ACY3: variants seen among roughly 807,000 people sequenced by gnomAD.
The protein encoded by ACY3 is aminoacylase 3.
A neutral mutation model predicts 24.6 loss-of-function variants in ACY3; 20 were observed. The ratio of observed to expected loss-of-function variants is 0.81; its 90% confidence interval spans 0.57 to 1.18. The LOEUF (loss-of-function observed/expected upper bound fraction) is 1.18. Ranked by LOEUF, ACY3 falls within the 50% of genes most tolerant of loss-of-function variation. The probability of loss-of-function intolerance (pLI) is 0.00; values close to 1 mark genes in which losing one functional copy is unlikely to be tolerated. For missense variants in ACY3, 423 were observed against 426.8 expected (o/e 0.99, Z 0.08); for synonymous variants, 174 against 188.4 (o/e 0.92, Z 0.62).
At position 67,643,451 on chromosome 11, in the gene ACY3, G is replaced by A. The variant is rs558298600; in HGVS notation, c.745-512C>T. On this transcript the variant is annotated intron_variant, in intron 7 of 7. Transcript: ENST00000255082. ...TCCCAGCACTTTGGGAGGCCAAGGC[G>A]GGTGGATCATGAGGTCAGGAGTTCA... Among the ~76,000 whole-genome samples the A allele has an allele frequency of 1.4e-4, 21 of 152,246 alleles. No individual in the cohort carries two copies. The East Asian group carries it at 2.7e-3, about 20-fold the overall frequency.
chr11:67,648,799 G>C (rs1591133491), intron 1 of ACY3, among the ~76,000 whole-genome samples: 1 of 152,198 alleles, frequency 6.6e-6, no homozygotes, highest in South Asian at 2.1e-4. Flanking sequence ...TCAGAGCATG[G>C]CGATTGTGGG....
Position 67,645,830 on chromosome 11 carries a change from C to G in ACY3, c.294G>C (p.Gln98His), listed in dbSNP as rs146788126. 1.9e-6 allele frequency: 3 copies of G among 1,613,492 alleles called. No homozygotes were observed. The African/African-American group carries it at 4.0e-5, about 22-fold the overall frequency. ...YEVTRARELN[Q>H]LLGPKASGQA... ...GGCCCGAGGCCTTGGGCCCCAGCAG[C>G]TGGTTCAGCTCTCGGGCTCTTGTCA... The change falls in exon 4 of 8, where the codon CAG becomes CAC. Residue 98 changes from glutamine (Q) to histidine (H), a missense_variant. Transcript: ENST00000255082.
Position 67,645,852 on chromosome 11 carries a change from G to T in ACY3, c.272C>A (p.Thr91Lys), listed in dbSNP as rs749879011. Residue 91 changes from threonine (T) to lysine (K), a missense_variant, in exon 4 of 8, where the codon ACA becomes AAA. Thr to Lys is a moderately conservative substitution (Grantham distance 78). Transcript: ENST00000255082. ...CAGCTGGTTCAGCTCTCGGGCTCTTGTCACCTCATATGGGTCGTCCGGGGT... is the reference window on the plus strand; with the variant it reads ...CAGCTGGTTCAGCTCTCGGGCTCTTTTCACCTCATATGGGTCGTCCGGGGT... The part of the protein sequence containing the change: ...RPTPDDPYEV[T>K]RARELNQLLG... The T allele has an allele frequency of 1.4e-5, 22 of 1,612,676 alleles. No homozygotes were observed. In the African/African-American group the frequency reaches 2.8e-4, roughly 21 times the overall value.
chr11:67,650,019 C>G lies in ACY3; in HGVS notation c.-95+564G>C, dbSNP rs185079275. 8.1e-4 allele frequency among the ~76,000 whole-genome samples: 123 copies of G among 152,338 alleles called. 1 individual carries two copies. Among genetic ancestry groups the G allele is most frequent in the Non-Finnish European group, 2.1e-4 (14 of 68,032 alleles). On this transcript the variant is annotated intron_variant, in intron 1 of 7. Transcript: ENST00000255082. ...GTGTGACCTGGAGAGATTCAGTGCC[C>G]TCTCTGGGCCTTGGCTCCACCCTGT...
chr11:67,649,681 T>G (rs567962486), intron 1 of ACY3, among the ~76,000 whole-genome samples: 2 of 145,654 alleles, frequency 1.4e-5, no homozygotes, highest in South Asian at 2.2e-4. Flanking sequence ...TGCATGAGTA[T>G]TGTGTGCATG....
Position 67,645,284 on chromosome 11 carries a change from C to T in ACY3, c.526+3G>A. The T allele has an allele frequency of 1.9e-6, 3 of 1,613,578 alleles. No homozygotes were observed. The highest frequency in any genetic ancestry group is 2.5e-6 in the Non-Finnish European group (3 of 1,179,972). On this transcript the variant is annotated splice_donor_region_variant and intron_variant, in intron 5 of 7. Transcript: ENST00000255082. Reference sequence around the variant, plus strand: ...GCCCACTTCTCAGAAGGCTGCGGCCCACCCAGTCCATTTTTGGCCACAGAG... The same window carrying T: ...GCCCACTTCTCAGAAGGCTGCGGCCTACCCAGTCCATTTTTGGCCACAGAG...
At chr11:67,649,854 A>G (rs2361142) in intron 1 of ACY3, among the ~76,000 whole-genome samples, 8,762 of 142,768 alleles carry the variant, frequency 0.061, 849 homozygotes, top group African/African-American at 0.22. Flanking sequence ...GCGTGTGTGC[A>G]TGAGAGTGTG....
rs1855501459 is a variant in ACY3 at position 67,645,679 on chromosome 11, G to T, written c.432+13C>A. ...TCCCCTCTGGGGAGCTGTGTGCTTGGGGCCGGGGCCACCTGCAGATGGCGG... is the reference window on the plus strand; with the variant it reads ...TCCCCTCTGGGGAGCTGTGTGCTTGTGGCCGGGGCCACCTGCAGATGGCGG... On this transcript the variant is annotated intron_variant, in intron 4 of 7. Transcript: ENST00000255082. 1 of 1,587,284 alleles carries T rather than the reference G, an allele frequency of 6.3e-7. No homozygotes were observed. Among genetic ancestry groups the T allele is most frequent in the Non-Finnish European group, 8.6e-7 (1 of 1,166,554 alleles).
In ACY3 at chr11:67,642,707, G is replaced by A. The variant is rs569162389; in HGVS notation, c.*17C>T. 1.6e-5 allele frequency: 26 copies of A among 1,613,322 alleles called. No homozygotes were observed. The highest frequency in any genetic ancestry group is 2.2e-5 in the Non-Finnish European group (26 of 1,179,442). The stretch of plus-strand genomic sequence containing the variant: ...CGTTCAGATGGGAAGACTGAGGTTG[G>A]GGAGGTGTGTCTTGGGTTAGGAAGC... On this transcript the variant is annotated 3_prime_UTR_variant, in exon 8 of 8. Coordinates refer to ENST00000255082, the MANE Select transcript of ACY3 (RefSeq NM_080658.2).
rs1773675116 is a variant in ACY3 at position 67,647,079 on chromosome 11, C to G, written c.-20-16G>C. 6.9e-7 allele frequency: 1 copy of G among 1,454,912 alleles called. No homozygotes were observed. Among genetic ancestry groups the G allele is most frequent in the Middle Eastern group, 2.2e-4 (1 of 4,514 alleles). The allele number at this position is 1,454,912 out of a possible 1,614,324, so 90.1% of individuals were successfully genotyped here. A position where few individuals can be genotyped will look rare whatever the true frequency, so the allele number is the denominator to read the frequency against. On this transcript the variant is annotated splice_polypyrimidine_tract_variant and intron_variant, in intron 2 of 7. Transcript: ENST00000255082. ...GGTGCAGAACCTGGGGGTGGGCATA[C>G]TTAGGAGACCCTGGCCCCGATGCAA... is the stretch of plus-strand genomic sequence containing the variant.
intron 1 of ACY3, among the ~76,000 whole-genome samples, chr11:67,649,957 G>T (rs539053717): frequency 6.6e-6 from 1 of 152,324 alleles, no homozygotes; most frequent in East Asian, 1.9e-4. Flanking sequence ...GTGTGCACAC[G>T]TGTGACCTGG....
In ACY3 at chr11:67,649,230, C is replaced by T. The variant is rs543346073; in HGVS notation, c.-95+1353G>A. ...TGCTTTATGAGTCCCAGGCCATGGTCTTTGTTGGAAGGCCCCCCCAACCCC... is the reference window on the plus strand; with the variant it reads ...TGCTTTATGAGTCCCAGGCCATGGTTTTTGTTGGAAGGCCCCCCCAACCCC... On this transcript the variant is annotated intron_variant, in intron 1 of 7. Transcript: ENST00000255082. Among the ~76,000 whole-genome samples, 6 of 152,216 alleles carry T rather than the reference C, an allele frequency of 3.9e-5. No individual in the cohort carries two copies. In the South Asian group the frequency reaches 6.2e-4, roughly 16 times the overall value.
rs1317826892 is a variant in ACY3 at position 67,645,474 on chromosome 11, C to T, written c.433-94G>A. The T allele has an allele frequency of 4.3e-6, 6 of 1,381,096 alleles. No individual in the cohort carries two copies. The Admixed American group carries it at 8.3e-5, about 19-fold the overall frequency. 85.6% of individuals were successfully genotyped at this position (1,381,096 alleles called of 1,614,324 possible). ...TGCATGGAGGAAACACAGGGCACCACCCTCCTTGGCCAGGTCTCCCTCTAC... is the reference window on the plus strand; with the variant it reads ...TGCATGGAGGAAACACAGGGCACCATCCTCCTTGGCCAGGTCTCCCTCTAC... On this transcript the variant is annotated intron_variant, in intron 4 of 7. Transcript: ENST00000255082.
intron 3 of ACY3, 35 bp from the exon 4 acceptor site, chr11:67,645,922 C>G (rs904835923): frequency 1.3e-6 from 2 of 1,543,548 alleles, no homozygotes; most frequent in African/African-American, 2.8e-5. Flanking sequence ...CCGATCTTCA[C>G]AGTCTCAGTC....
At chr11:67,645,564 G>T in intron 4 of ACY3, 128 bp downstream of exon 4, 1 of 1,300,586 alleles carries the variant, frequency 7.7e-7, no homozygotes, top group African/African-American at 1.5e-5. Flanking sequence ...AGACCCCAGG[G>T]ACTGGAGCCC....
At chr11:67,649,145 C>T (rs983751625) in intron 1 of ACY3, among the ~76,000 whole-genome samples, 1 of 152,120 alleles carries the variant, frequency 6.6e-6, no homozygotes, top group African/African-American at 2.4e-5. Context: ...AGCAGAGGAG[C>T]CTGTCGGCCT....
intron 1 of ACY3, among the ~76,000 whole-genome samples, chr11:67,647,939 AC>A (rs1855549786): frequency 6.6e-6 from 1 of 152,048 alleles, no homozygotes; most frequent in African/African-American, 2.4e-5. Flanking sequence ...CACCAAGATG[AC>A]AAGCTGCCCC....
chr11:67,644,835 ATAG>A lies in ACY3; in HGVS notation c.666_668del (p.Tyr223del). 6.3e-7 allele frequency: 1 copy of A among 1,589,052 alleles called. No homozygotes were observed. The highest frequency in any genetic ancestry group is 8.6e-7 in the Non-Finnish European group (1 of 1,167,930). On this transcript the variant is annotated inframe_deletion, in exon 7 of 8. Coordinates refer to ENST00000255082, the MANE Select transcript of ACY3 (RefSeq NM_080658.2). ...GGAAGTCCACGACGCCCACGGGTCT[ATAG>A]GCTTCCATCTCAAAGGCAGGAAAGG... is the stretch of plus-strand genomic sequence containing the variant.
chr11:67,643,890 G>A (rs1178611694), intron 7 of ACY3, among the ~76,000 whole-genome samples: 1 of 152,046 alleles, frequency 6.6e-6, no homozygotes, highest in Non-Finnish European at 1.5e-5. Context: ...AGCTACTGGG[G>A]AGGCTGAGTC....
Sources: allele counts gnomAD v4.1 joint callset (sites outside exome capture counted in the v4.1 genomes callset), GRCh38; gene constraint gnomAD v4.1.1; transcripts MANE v1.5; gene names NCBI Gene and HGNC (gene_info 2026-07-23, HGNC 2026-07-21).